Variants in LINGO2 observed in about 807,000 individuals in gnomAD.
LINGO2 encodes leucine-rich repeat and immunoglobulin-like domain-containing nogo receptor-interacting protein 2.
A neutral mutation model predicts 30.6 loss-of-function variants in LINGO2; 14 were observed. The observed-to-expected ratio is 0.46, with a 90% CI of 0.30 to 0.72. The LOEUF (loss-of-function observed/expected upper bound fraction) is 0.72. Ranked by LOEUF, LINGO2 falls within the 30% of genes least tolerant of loss-of-function variation. LINGO2 has a pLI of 0.07. For synonymous variants in LINGO2, 317 were observed against 288.5 expected (o/e 1.10, Z -1.00); for missense variants, 729 against 751.7 (o/e 0.97, Z 0.35).
the LINGO2 span, among the ~76,000 whole-genome samples, chr9:28,987,731 G>A: frequency 1.3e-5 from 2 of 151,880 alleles, no homozygotes; most frequent in Non-Finnish European, 2.9e-5. Flanking sequence ...ATTTTGGTGT[G>A]TCATATTTTC....
intron 1 of LINGO2, chr9:28,598,993 T>C (rs1247943986): frequency 1.3e-5 from 2 of 152,192 alleles, no homozygotes; most frequent in Non-Finnish European, 2.9e-5. Flanking sequence ...CATCAACTTG[T>C]TGTCAGATAT....
Position 28,110,415 on chromosome 9 carries a change from G to A in LINGO2, c.-86-98010C>T, listed in dbSNP as rs758875773. ...AAATGGGATCTAATTAAACTAAAGA[G>A]CTTCTGCACAGCAAAAGAAAAGTAG... On this transcript the variant is annotated intron_variant, in intron 4 of 5. Coordinates refer to ENST00000379992, the Ensembl canonical transcript of LINGO2. Among the ~76,000 whole-genome samples, 6 of 152,288 alleles carry A rather than the reference G, an allele frequency of 3.9e-5. No individual in the cohort carries two copies. The South Asian group carries it at 6.2e-4, about 16-fold the overall frequency.
At chr9:28,502,929 A>G (rs1313600420) in intron 1 of LINGO2, among the ~76,000 whole-genome samples, 10 of 152,112 alleles carry the variant, frequency 6.6e-5, no homozygotes, top group Non-Finnish European at 1.0e-4. Flanking sequence ...CCTCCTTAAT[A>G]GTTCCTGTGC....
intron 4 of LINGO2, among the ~76,000 whole-genome samples, chr9:28,164,377 A>G (rs1005547849): frequency 2.6e-5 from 4 of 152,234 alleles, no homozygotes; most frequent in African/African-American, 9.6e-5. Context: ...GCCAGAAGCT[A>G]TCCTAAGATT....
At chr9:29,193,809 C>T in the LINGO2 span, among the ~76,000 whole-genome samples, 1 of 152,188 alleles carries the variant, frequency 6.6e-6, no homozygotes, top group African/African-American at 2.4e-5. Flanking sequence ...TCTTCACAAC[C>T]ACTCTCAGTT....
At chr9:29,136,410 C>A in the LINGO2 span, among the ~76,000 whole-genome samples, 1 of 152,124 alleles carries the variant, frequency 6.6e-6, no homozygotes, top group East Asian at 1.9e-4. Flanking sequence ...ACCTCTTGAT[C>A]TCCCATGCAT....
downstream of LINGO2, chr9:27,943,224 T>TTTTGG (rs978156591): frequency 1.3e-5 from 2 of 151,902 alleles, no homozygotes; most frequent in African/African-American, 4.8e-5. Context: ...AAATTTCTGC[T>TTTTGG]TTTTTTTGGT....
the LINGO2 span, among the ~76,000 whole-genome samples, chr9:28,715,264 T>C: frequency 6.6e-6 from 1 of 152,158 alleles, no homozygotes; most frequent in Non-Finnish European, 1.5e-5. Context: ...CCTGTTTCTG[T>C]GTAGACTGTA....
intron 1 of LINGO2, among the ~76,000 whole-genome samples, chr9:28,593,373 G>A (rs1317391582): frequency 6.6e-6 from 1 of 152,054 alleles, no homozygotes; most frequent in Non-Finnish European, 1.5e-5. Flanking sequence ...GGATACTCTA[G>A]TTATGTGTAG....
chr9:28,951,865 AAAC>A, the LINGO2 span, among the ~76,000 whole-genome samples: 1 of 152,110 alleles, frequency 6.6e-6, no homozygotes, highest in Non-Finnish European at 1.5e-5. Flanking sequence ...TTCCTTGTTA[AAAC>A]AACAAGTATG....
the LINGO2 span, among the ~76,000 whole-genome samples, chr9:29,021,906 A>G: frequency 6.6e-6 from 1 of 152,190 alleles, no homozygotes; most frequent in African/African-American, 2.4e-5. Context: ...GATTAACATA[A>G]TACATAACTT....
the LINGO2 span, among the ~76,000 whole-genome samples, chr9:28,759,713 C>T: frequency 6.6e-6 from 1 of 151,670 alleles, no homozygotes; most frequent in African/African-American, 2.4e-5. Context: ...AGAAAATGTC[C>T]GTGGCTTACA....
At chr9:28,423,099 T>C (rs1287968892) in intron 2 of LINGO2, among the ~76,000 whole-genome samples, 1 of 152,112 alleles carries the variant, frequency 6.6e-6, no homozygotes, top group Non-Finnish European at 1.5e-5. Flanking sequence ...CAAAGGTTGA[T>C]CGTGGTAATG....
the LINGO2 span, chr9:27,939,818 T>C: frequency 6.6e-6 from 1 of 152,184 alleles, no homozygotes; most frequent in African/African-American, 2.4e-5. Context: ...ATAATATGAA[T>C]AGTGATGCTG....
chr9:28,924,460 A>T, the LINGO2 span, among the ~76,000 whole-genome samples: 1 of 152,112 alleles, frequency 6.6e-6, no homozygotes, highest in East Asian at 1.9e-4. Flanking sequence ...GACTCAGGCA[A>T]TCCGCCAGCC....
At chr9:28,423,984 G>T (rs375761973) in intron 2 of LINGO2, among the ~76,000 whole-genome samples, 11 of 152,076 alleles carry the variant, frequency 7.2e-5, no homozygotes, top group African/African-American at 2.7e-4. Context: ...CACTCAGAGG[G>T]TGTCTCTTTT....
chr9:28,934,049 G>T, the LINGO2 span, among the ~76,000 whole-genome samples: 2 of 152,184 alleles, frequency 1.3e-5, no homozygotes, highest in Non-Finnish European at 2.9e-5. Context: ...GGTGAGGACT[G>T]GTAGGAGTGT....
the LINGO2 span, among the ~76,000 whole-genome samples, chr9:28,719,117 T>C: frequency 1.2e-3 from 180 of 152,132 alleles, 3 homozygotes; most frequent in African/African-American, 4.2e-3. Flanking sequence ...TTGTATCTAT[T>C]GTTAATTATC....
the LINGO2 span, among the ~76,000 whole-genome samples, chr9:28,972,928 G>A: frequency 6.6e-6 from 1 of 151,984 alleles, no homozygotes. Flanking sequence ...CAACACGTGG[G>A]GATTATGAGA....
Sources: gnomAD v4.1 joint callset for allele counts (sites outside exome capture counted in the v4.1 genomes callset) on GRCh38, gnomAD v4.1.1 for gene constraint, MANE v1.5 for transcripts, NCBI Gene and HGNC (gene_info 2026-07-23, HGNC 2026-07-21) for gene names.